The following GLI2 variants were observed in gnomAD, a reference collection of about 807,000 sequenced individuals.
The protein encoded by GLI2 is GLI family zinc finger 2, also known as transcription activator GLI2.
In GLI2, 22 loss-of-function variants were observed where a neutral mutation model predicts 78.9. The observed-to-expected ratio is 0.28, with a 90% CI of 0.20 to 0.40. The LOEUF (loss-of-function observed/expected upper bound fraction) is 0.40, where lower values mean the gene tolerates loss of function less well. Ranked by LOEUF, GLI2 falls within the 10% of genes least tolerant of loss-of-function variation. The pLI is 1.00. For missense variants in GLI2, 2,097 were observed against 2,213.2 expected, an observed-to-expected ratio of 0.95 and a Z score of 1.05; for synonymous variants, 974 against 963.7, an observed-to-expected ratio of 1.01 and a Z score of -0.20.
chr2:120,820,974 A>G (rs1172375442), intron 2 of GLI2, among the ~76,000 whole-genome samples: 1 of 152,042 alleles, frequency 6.6e-6, no homozygotes, highest in Non-Finnish European at 1.5e-5. Context: ...GTGCCGACTC[A>G]GTAACTAGTG....
chr2:120,848,458 C>A (rs1403061899), intron 2 of GLI2, among the ~76,000 whole-genome samples: 1 of 152,182 alleles, frequency 6.6e-6, no homozygotes, highest in Non-Finnish European at 1.5e-5. Flanking sequence ...TTGTCCCTGT[C>A]GCCTCAGCCT....
At chr2:120,791,047 G>A (rs1458966206) in intron 1 of GLI2, among the ~76,000 whole-genome samples, 6 of 152,176 alleles carry the variant, frequency 3.9e-5, no homozygotes, top group Non-Finnish European at 5.9e-5. Context: ...CTGAGGCTCC[G>A]AGAGGGGAAG....
At chr2:120,835,707 C>T (rs1476389565) in intron 2 of GLI2, among the ~76,000 whole-genome samples, 2 of 152,066 alleles carry the variant, frequency 1.3e-5, no homozygotes, top group Non-Finnish European at 2.9e-5. Flanking sequence ...TTTGACCTTA[C>T]ATGTAACTTT....
At chr2:120,927,326 T>G (rs753588525) in intron 2 of GLI2, 35 bp from the exon 3 acceptor site, 10 of 1,476,090 alleles carry the variant, frequency 6.8e-6, no homozygotes, top group Non-Finnish European at 8.5e-6. Flanking sequence ...AGGGGGAAAG[T>G]TTTTGAAGTC....
intron 1 of GLI2, among the ~76,000 whole-genome samples, chr2:120,788,553 T>C (rs991264372): frequency 6.6e-6 from 1 of 152,222 alleles, no homozygotes; most frequent in African/African-American, 2.4e-5. Flanking sequence ...TCATCAACTC[T>C]TATCGGAGGC....
chr2:120,892,956 G>A (rs1300742137), intron 2 of GLI2, among the ~76,000 whole-genome samples: 1 of 152,204 alleles, frequency 6.6e-6, no homozygotes, highest in Non-Finnish European at 1.5e-5. Context: ...CCACTTTTCT[G>A]ATAGATGCTG....
intron 1 of GLI2, among the ~76,000 whole-genome samples, chr2:120,796,114 T>C (rs1431162419): frequency 6.6e-6 from 1 of 152,218 alleles, no homozygotes; most frequent in Non-Finnish European, 1.5e-5. Context: ...TATCTTCTGA[T>C]AGAAAGGCTG....
chr2:120,792,055 G>A (rs1684175575), intron 1 of GLI2, among the ~76,000 whole-genome samples: 1 of 152,182 alleles, frequency 6.6e-6, no homozygotes, highest in East Asian at 1.9e-4. Flanking sequence ...GAGAGGCGAG[G>A]CTTCATCTCT....
chr2:120,925,438 A>T (rs1679616430), intron 2 of GLI2, among the ~76,000 whole-genome samples: 1 of 152,230 alleles, frequency 6.6e-6, no homozygotes, highest in Admixed American at 6.5e-5. Flanking sequence ...GAGTGGACAA[A>T]AAAAATGTGG....
intron 2 of GLI2, among the ~76,000 whole-genome samples, chr2:120,895,052 T>TGGGGA (rs1168421926): frequency 2.1e-5 from 3 of 144,806 alleles, no homozygotes; most frequent in Non-Finnish European, 4.6e-5. Context: ...ACCTGGCTGA[T>TGGGGA]GGGGAGGGGA....
At chr2:120,810,438 G>C (rs1573411225) in intron 2 of GLI2, among the ~76,000 whole-genome samples, 1 of 152,166 alleles carries the variant, frequency 6.6e-6, no homozygotes, top group African/African-American at 2.4e-5. Context: ...CCCTGTCCTG[G>C]CCTGGAGCCC....
At chr2:120,888,858 C>T (rs887588447) in intron 2 of GLI2, among the ~76,000 whole-genome samples, 10 of 152,290 alleles carry the variant, frequency 6.6e-5, no homozygotes, top group African/African-American at 2.4e-4. Context: ...GAACCCAACA[C>T]TTCAAAGGCT....
chr2:120,989,995 G>GT lies in GLI2; in HGVS notation c.4031dup (p.Ala1345GlyfsTer150). 1 of 1,610,080 alleles carries GT rather than the reference G, an allele frequency of 6.2e-7. No homozygotes were observed. The highest frequency in any genetic ancestry group is 8.5e-7 in the Non-Finnish European group (1 of 1,178,564). Reference sequence around the variant, plus strand: ...GGAGCCCCAAACAGGCCCGATGGGGGTGGCTACAGCAGGCTTTGGCCTAGT... The same window carrying GT: ...GGAGCCCCAAACAGGCCCGATGGGGGTTGGCTACAGCAGGCTTTGGCCTAGT... On this transcript the variant is annotated frameshift_variant, in exon 14 of 14. Transcript: ENST00000361492. LOFTEE classifies it low-confidence loss of function (END_TRUNC).
At chr2:120,850,487 A>G (rs1330741268) in intron 2 of GLI2, among the ~76,000 whole-genome samples, 1 of 152,308 alleles carries the variant, frequency 6.6e-6, no homozygotes, top group Middle Eastern at 3.4e-3. Flanking sequence ...CAATAAGGCT[A>G]TCTTCAGTCA....
At chr2:120,877,314 A>G (rs1053397598) in intron 2 of GLI2, among the ~76,000 whole-genome samples, 5 of 151,998 alleles carry the variant, frequency 3.3e-5, no homozygotes, top group Non-Finnish European at 5.9e-5. Flanking sequence ...TATTTGAGAA[A>G]GTTTTAAACT....
At chr2:120,922,715 A>G (rs541536555) in intron 2 of GLI2, among the ~76,000 whole-genome samples, 2 of 152,116 alleles carry the variant, frequency 1.3e-5, no homozygotes, top group African/African-American at 4.8e-5. Flanking sequence ...CTCACACATC[A>G]CCGCCAGGAC....
At chr2:120,976,643 G>A (rs973299872) in intron 9 of GLI2, among the ~76,000 whole-genome samples, 1 of 152,250 alleles carries the variant, frequency 6.6e-6, no homozygotes, top group Non-Finnish European at 1.5e-5. Context: ...CGTGCTCTGT[G>A]ATAAGTGGGT....
At chr2:120,864,737 G>T (rs545682131) in intron 2 of GLI2, among the ~76,000 whole-genome samples, 2 of 152,086 alleles carry the variant, frequency 1.3e-5, no homozygotes, top group South Asian at 4.1e-4. Context: ...GTGAGTCACC[G>T]CGCCCGGCCC....
chr2:120,881,843 G>A (rs1677168043), intron 2 of GLI2, among the ~76,000 whole-genome samples: 1 of 149,282 alleles, frequency 6.7e-6, no homozygotes, highest in African/African-American at 2.5e-5. Flanking sequence ...GGGCAAGACA[G>A]GTGGGAGAGG....
Sources: allele counts gnomAD v4.1 joint callset (sites outside exome capture counted in the v4.1 genomes callset), GRCh38; gene constraint gnomAD v4.1.1; transcripts MANE v1.5; gene names NCBI Gene and HGNC (gene_info 2026-07-23, HGNC 2026-07-21).